RBFOX1: variants seen among roughly 807,000 people sequenced by gnomAD.
RBFOX1 encodes the protein RNA binding protein fox-1 homolog 1.
Under a neutral mutation model 57.7 loss-of-function variants are expected in RBFOX1, and 8 were observed. That is an observed-to-expected ratio of 0.14 (90% CI 0.08 to 0.25). The LOEUF (loss-of-function observed/expected upper bound fraction) is 0.25. RBFOX1 is among the 10% of genes least tolerant of loss of function. RBFOX1 has a pLI of 1.00. For synonymous variants in RBFOX1, 326 were observed against 222.4 expected, an observed-to-expected ratio of 1.47 and a Z score of -4.15; for missense variants, 611 against 548.5, an observed-to-expected ratio of 1.11 and a Z score of -1.14.
intron 4 of RBFOX1, among the ~76,000 whole-genome samples, chr16:5,971,861 G>A (rs1373287691): frequency 6.6e-6 from 1 of 152,212 alleles, no homozygotes; most frequent in Admixed American, 6.5e-5. Context: ...TAACATTTAT[G>A]TCAGTAGACT....
intron 4 of RBFOX1, among the ~76,000 whole-genome samples, chr16:7,359,603 C>G (rs1341111192): frequency 6.6e-6 from 1 of 152,204 alleles, no homozygotes; most frequent in Non-Finnish European, 1.5e-5. Flanking sequence ...AGTTAAACCA[C>G]TGTTTGCTTC....
intron 2 of RBFOX1, among the ~76,000 whole-genome samples, chr16:5,526,019 C>A (rs2044230452): frequency 6.8e-6 from 1 of 147,506 alleles, no homozygotes; most frequent in Non-Finnish European, 1.5e-5. Context: ...TCTGTGGTCC[C>A]AGGGGGCGGA....
intron 4 of RBFOX1, among the ~76,000 whole-genome samples, chr16:5,873,751 C>G (rs2057537072): frequency 6.6e-6 from 1 of 152,070 alleles, no homozygotes; most frequent in African/African-American, 2.4e-5. Flanking sequence ...ATAAGGCTTC[C>G]TACATATTTG....
At chr16:7,209,181 TAATA>T (rs2090615383) in intron 4 of RBFOX1, among the ~76,000 whole-genome samples, 1 of 134,880 alleles carries the variant, frequency 7.4e-6, no homozygotes. Context: ...ATAATAATAA[TAATA>T]ATTGCAGGGT....
chr16:5,801,179 A>G (rs1391636229), intron 3 of RBFOX1, among the ~76,000 whole-genome samples: 1 of 152,184 alleles, frequency 6.6e-6, no homozygotes, highest in East Asian at 1.9e-4. Context: ...CCTTTACCAG[A>G]ACTCCTGACC....
intron 3 of RBFOX1, among the ~76,000 whole-genome samples, chr16:6,799,912 T>G (rs1055529906): frequency 1.1e-4 from 16 of 152,320 alleles, no homozygotes; most frequent in Non-Finnish European, 2.2e-4. Flanking sequence ...CTCTTCAGTT[T>G]GCAGATGGCT....
rs549182983 is a variant in RBFOX1, at chr16:7,668,200, C to T, written c.930+3232C>T. ...CCGTCCTTTGTTCTTCAAGGTCTTTCCATGCCTACCACCTGAGGTTGGAGC... is the reference window on the plus strand; with the variant it reads ...CCGTCCTTTGTTCTTCAAGGTCTTTTCATGCCTACCACCTGAGGTTGGAGC... On this transcript the variant is annotated intron_variant, in intron 13 of 15. Coordinates refer to ENST00000550418, the MANE Select transcript of RBFOX1 (RefSeq NM_018723.4). Among the ~76,000 whole-genome samples the T allele has an allele frequency of 8.5e-5, 13 of 152,244 alleles. 1 individual carries two copies. In the South Asian group the frequency reaches 2.7e-3, roughly 32 times the overall value.
At position 5,906,090 on chromosome 16, in the gene RBFOX1, G is replaced by C. The variant is rs112796725; in HGVS notation, c.351+38755G>C. On this transcript the variant is annotated intron_variant, in intron 4 of 19. Coordinates refer to the RBFOX1 transcript ENST00000641259. ...ATGTGCCCTGCTTGTTATGTTCTTA[G>C]CTGGCAGCAAACACCTCAACTGGTA... 6.6e-5 allele frequency among the ~76,000 whole-genome samples: 10 copies of C among 152,232 alleles called. 1 individual carries two copies. Among genetic ancestry groups the C allele is most frequent in the African/African-American group, 1.9e-4 (8 of 41,540 alleles).
intron 5 of RBFOX1, among the ~76,000 whole-genome samples, chr16:7,555,831 C>G (rs778877494): frequency 4.6e-5 from 7 of 152,192 alleles, no homozygotes; most frequent in Admixed American, 6.5e-5. Context: ...TCCACGGTCC[C>G]TTCCTCCTGC....
intron 4 of RBFOX1, among the ~76,000 whole-genome samples, chr16:7,095,042 T>G (rs1190397824): frequency 2.0e-5 from 3 of 152,178 alleles, no homozygotes; most frequent in African/African-American, 7.2e-5. Context: ...ATTCTGTTAT[T>G]TGCAAATCTG....
chr16:6,517,413 T>C (rs893159905), intron 2 of RBFOX1, among the ~76,000 whole-genome samples: 1 of 152,176 alleles, frequency 6.6e-6, no homozygotes, highest in African/African-American at 2.4e-5. Context: ...TATTACTCCC[T>C]GAAGTCTCTC....
Position 6,604,203 on chromosome 16 carries a change from G to GA in RBFOX1, c.-63-50390dup, listed in dbSNP as rs896276784. Among the ~76,000 whole-genome samples the GA allele has an allele frequency of 4.9e-4, 71 of 144,940 alleles. 1 individual carries two copies. In the South Asian group the frequency reaches 6.6e-3, roughly 13 times the overall value. On this transcript the variant is annotated intron_variant, in intron 2 of 15. Coordinates refer to ENST00000550418, the MANE Select transcript of RBFOX1 (RefSeq NM_018723.4). ...GATCAACCCAGCAATTCCTACTGGG[G>GA]AAAAAAAAAAGAAAAAGTAGGGAGC...
intron 2 of RBFOX1, among the ~76,000 whole-genome samples, chr16:6,623,250 G>A (rs2098259185): frequency 6.6e-6 from 1 of 152,114 alleles, no homozygotes; most frequent in African/African-American, 2.4e-5. Context: ...CTGCTTTTGT[G>A]CACAAGACAG....
chr16:5,931,974 A>ATT (rs34702331), intron 4 of RBFOX1, among the ~76,000 whole-genome samples: 5 of 150,998 alleles, frequency 3.3e-5, no homozygotes, highest in Admixed American at 1.3e-4. Context: ...CTCCTAGCTA[A>ATT]TTTTTTTTTG....
chr16:5,496,826 C>A (rs775931906), intron 2 of RBFOX1, among the ~76,000 whole-genome samples: 9 of 152,212 alleles, frequency 5.9e-5, no homozygotes, highest in African/African-American at 2.2e-4. Flanking sequence ...AGTGCATAAA[C>A]CACAGCCCAA....
chr16:5,957,800 T>TGGAG (rs1227718594), intron 4 of RBFOX1, among the ~76,000 whole-genome samples: 2 of 152,188 alleles, frequency 1.3e-5, no homozygotes, highest in Non-Finnish European at 1.5e-5. Context: ...TGAGCATTGA[T>TGGAG]CCTTTGTGTT....
intron 5 of RBFOX1, among the ~76,000 whole-genome samples, chr16:7,522,139 C>T (rs1262536301): frequency 2.0e-5 from 3 of 152,188 alleles, no homozygotes; most frequent in African/African-American, 4.8e-5. Flanking sequence ...ACCATTTCAT[C>T]AGAGTTCATG....
At chr16:5,345,377 A>T (rs1181511134) in intron 1 of RBFOX1, among the ~76,000 whole-genome samples, 1 of 152,092 alleles carries the variant, frequency 6.6e-6, no homozygotes. Flanking sequence ...AGGTAACACA[A>T]AGCACCCCAT....
chr16:6,129,982 T>A (rs142531152), intron 1 of RBFOX1, among the ~76,000 whole-genome samples: 3 of 152,056 alleles, frequency 2.0e-5, no homozygotes, highest in Non-Finnish European at 4.4e-5. Flanking sequence ...CATTTTCATC[T>A]AAAGGACAGT....
Sources: allele counts gnomAD v4.1 joint callset (sites outside exome capture counted in the v4.1 genomes callset), GRCh38; gene constraint gnomAD v4.1.1; transcripts MANE v1.5; gene names NCBI Gene and HGNC (gene_info 2026-07-23, HGNC 2026-07-21).